Variants in RANBP17 observed in about 807,000 individuals in gnomAD.
The protein encoded by RANBP17 is RAN binding protein 17.
In RANBP17, 158 loss-of-function variants were observed where a neutral mutation model predicts 141.2. That is an observed-to-expected ratio of 1.12 (90% CI 0.98 to 1.28). RANBP17 has a LOEUF of 1.28. Ranked by LOEUF, RANBP17 falls within the 50% of genes most tolerant of loss-of-function variation. The pLI is 0.00. For missense variants in RANBP17, 1,438 were observed against 1,290.7 expected (o/e 1.11, Z -1.75); for synonymous variants, 430 against 450.0 (o/e 0.96, Z 0.56).
intron 3 of RANBP17, among the ~76,000 whole-genome samples, chr5:170,889,394 T>G (rs1488706466): frequency 6.6e-6 from 1 of 152,104 alleles, no homozygotes; most frequent in African/African-American, 2.4e-5. Flanking sequence ...CAAGTTTGGA[T>G]TTAGAGTTTT....
chr5:171,289,686 T>C (rs769554915), intron 25 of RANBP17, among the ~76,000 whole-genome samples: 14 of 152,050 alleles, frequency 9.2e-5, no homozygotes, highest in Non-Finnish European at 2.1e-4. Context: ...CAGTGAGCCA[T>C]GATCACACCA....
At chr5:171,188,715 A>G (rs938963454) in intron 18 of RANBP17, among the ~76,000 whole-genome samples, 2 of 152,290 alleles carry the variant, frequency 1.3e-5, no homozygotes, top group Non-Finnish European at 1.5e-5. Flanking sequence ...CCTTTTTGAT[A>G]TGGTCATCAC....
intron 11 of RANBP17, among the ~76,000 whole-genome samples, chr5:170,920,041 G>T (rs1772304197): frequency 6.6e-6 from 1 of 151,992 alleles, no homozygotes; most frequent in Non-Finnish European, 1.5e-5. Flanking sequence ...GGATATATCA[G>T]TTTGTTTACC....
intron 24 of RANBP17, among the ~76,000 whole-genome samples, chr5:171,245,265 T>C (rs1313098976): frequency 2.0e-5 from 3 of 152,242 alleles, no homozygotes; most frequent in Non-Finnish European, 2.9e-5. Context: ...TTTGAATGTG[T>C]GCCAGACATC....
At chr5:171,129,589 C>G (rs1448721101) in intron 14 of RANBP17, among the ~76,000 whole-genome samples, 3 of 152,196 alleles carry the variant, frequency 2.0e-5, no homozygotes, top group African/African-American at 7.2e-5. Context: ...CTCTTCTCTC[C>G]ATTTCTAAAT....
intron 12 of RANBP17, among the ~76,000 whole-genome samples, chr5:170,932,667 C>T (rs1339967394): frequency 2.0e-5 from 3 of 152,040 alleles, no homozygotes; most frequent in Non-Finnish European, 4.4e-5. Context: ...TTGAGATAAT[C>T]ATGTGGTTTT....
At chr5:170,915,587 T>C (rs1771884972) in intron 8 of RANBP17, among the ~76,000 whole-genome samples, 1 of 152,078 alleles carries the variant, frequency 6.6e-6, no homozygotes, top group Non-Finnish European at 1.5e-5. Flanking sequence ...CTGGAGCACA[T>C]CTAAAAAGGG....
intron 14 of RANBP17, among the ~76,000 whole-genome samples, chr5:171,136,255 T>C (rs1196666503): frequency 6.6e-6 from 1 of 152,174 alleles, no homozygotes; most frequent in Admixed American, 6.5e-5. Flanking sequence ...TATTCAAACA[T>C]GAGAATGCCA....
At chr5:170,915,741 G>C (rs1260137764) in intron 8 of RANBP17, among the ~76,000 whole-genome samples, 1 of 151,920 alleles carries the variant, frequency 6.6e-6, no homozygotes, top group Admixed American at 6.6e-5. Context: ...TTACATTACA[G>C]GTTCCCCCTG....
chr5:171,190,554 A>G (rs778223376), intron 18 of RANBP17, among the ~76,000 whole-genome samples: 1 of 152,178 alleles, frequency 6.6e-6, no homozygotes, highest in Non-Finnish European at 1.5e-5. Context: ...GACCAACCAG[A>G]TGTGCATGTG....
rs1335221711 is a variant in RANBP17, at chr5:171,004,628, C to G, written c.1710+36251C>G. 3.9e-5 allele frequency among the ~76,000 whole-genome samples: 6 copies of G among 152,104 alleles called. 1 individual carries two copies. The highest frequency in any genetic ancestry group is 7.4e-5 in the Non-Finnish European group (5 of 68,026). The stretch of plus-strand genomic sequence containing the variant: ...CATCCATGATAGTCCAGGGGGCTTC[C>G]AAGGCGATGGGCAGCATCAGTCTTC... On this transcript the variant is annotated intron_variant, in intron 14 of 27. Coordinates refer to ENST00000523189, the MANE Select transcript of RANBP17 (RefSeq NM_022897.5).
At chr5:170,939,500 T>A (rs1245940022) in intron 12 of RANBP17, among the ~76,000 whole-genome samples, 2 of 152,026 alleles carry the variant, frequency 1.3e-5, no homozygotes, top group African/African-American at 4.8e-5. Context: ...TTCTCCTGCC[T>A]CAGCCTCCAG....
chr5:171,078,055 G>T (rs2127703875), intron 14 of RANBP17, among the ~76,000 whole-genome samples: 1 of 152,288 alleles, frequency 6.6e-6, no homozygotes, highest in South Asian at 2.1e-4. Flanking sequence ...AGAAGTTGCG[G>T]CAGGTTGTCC....
rs1762194728 is a variant in RANBP17 at position 171,199,747 on chromosome 5, A to G, written c.2116A>G (p.Asn706Asp). ...TGAAACAGTATTACAAATATTCAACAACAACTTTAAACAAGAAGATGTAAA... is the reference window on the plus strand; with the variant it reads ...TGAAACAGTATTACAAATATTCAACGACAACTTTAAACAAGAAGATGTAAA... ...AFETVLQIFN[N>D]NFKQEDVKRM... The change falls in exon 19 of 28, where the codon AAC becomes GAC. Residue 706 changes from asparagine to aspartate, a missense_variant. Coordinates refer to ENST00000523189, the MANE Select transcript of RANBP17 (RefSeq NM_022897.5). The G allele has an allele frequency of 6.2e-7, 1 of 1,603,950 alleles. No homozygotes were observed. Among genetic ancestry groups the G allele is most frequent in the African/African-American group, 1.3e-5 (1 of 74,718 alleles).
At chr5:171,035,865 A>G (rs1318717968) in intron 14 of RANBP17, among the ~76,000 whole-genome samples, 1 of 151,032 alleles carries the variant, frequency 6.6e-6, no homozygotes, top group East Asian at 2.0e-4. Flanking sequence ...TTACCAAGGT[A>G]GAGAGCATAG....
chr5:171,119,913 C>T (rs1379335472), intron 14 of RANBP17, among the ~76,000 whole-genome samples: 1 of 151,910 alleles, frequency 6.6e-6, no homozygotes, highest in African/African-American at 2.4e-5. Context: ...GTGACACATG[C>T]CTGTAATCCC....
At chr5:171,049,190 G>A (rs1434782966) in intron 14 of RANBP17, among the ~76,000 whole-genome samples, 1 of 152,134 alleles carries the variant, frequency 6.6e-6, no homozygotes, top group Non-Finnish European at 1.5e-5. Flanking sequence ...GTGTGAGGAG[G>A]TATCCCATTG....
chr5:170,899,977 C>T (rs1770488082), intron 5 of RANBP17, among the ~76,000 whole-genome samples: 1 of 152,062 alleles, frequency 6.6e-6, no homozygotes, highest in African/African-American at 2.4e-5. Context: ...CTGAAATTTT[C>T]TTTTTTTGTT....
intron 24 of RANBP17, among the ~76,000 whole-genome samples, chr5:171,249,955 A>G (rs12654388): frequency 0.13 from 19,671 of 152,228 alleles, 1,425 homozygotes; most frequent in East Asian, 0.16. Context: ...TCCATGGTAC[A>G]TTATAGTCAG....
Sources: allele counts gnomAD v4.1 joint callset (sites outside exome capture counted in the v4.1 genomes callset), GRCh38; gene constraint gnomAD v4.1.1; transcripts MANE v1.5; gene names NCBI Gene and HGNC (gene_info 2026-07-23, HGNC 2026-07-21).